DAB1: variants seen among roughly 807,000 people sequenced by gnomAD.
DAB1 encodes the protein DAB adaptor protein 1.
In DAB1, 15 loss-of-function variants were observed where a neutral mutation model predicts 64.6. The observed-to-expected ratio is 0.23, with a 90% CI of 0.16 to 0.36. The LOEUF (loss-of-function observed/expected upper bound fraction) is 0.36, where lower values mean the gene tolerates loss of function less well. DAB1 is among the 10% of genes least tolerant of loss of function. The pLI is 1.00. For missense variants in DAB1, 596 were observed against 706.7 expected (o/e 0.84, Z 1.78); for synonymous variants, 235 against 251.9 (o/e 0.93, Z 0.64).
intron 2 of DAB1, among the ~76,000 whole-genome samples, chr1:57,178,535 G>A (rs1000347441): frequency 4.6e-5 from 7 of 152,084 alleles, no homozygotes; most frequent in Admixed American, 6.6e-5. Context: ...TCTGATTAAC[G>A]AAACTATTCA....
intron 2 of DAB1, among the ~76,000 whole-genome samples, chr1:57,149,112 TG>T (rs1659422822): frequency 6.6e-6 from 1 of 152,218 alleles, no homozygotes; most frequent in African/African-American, 2.4e-5. Flanking sequence ...TACAATTTTT[TG>T]GGTTTGGTTT....
intron 1 of DAB1, among the ~76,000 whole-genome samples, chr1:57,360,539 C>T (rs1239223833): frequency 6.6e-6 from 1 of 152,076 alleles, no homozygotes; most frequent in African/African-American, 2.4e-5. Flanking sequence ...AATTAATGTG[C>T]TTTTCTTCCT....
intron 4 of DAB1, among the ~76,000 whole-genome samples, chr1:57,081,567 G>A (rs1652559122): frequency 6.6e-6 from 1 of 150,468 alleles, no homozygotes; most frequent in Admixed American, 6.6e-5. Context: ...GTAATTTCTA[G>A]TTACATAAAT....
At chr1:58,481,282 AT>A (rs1361627273) in intron 3 of DAB1, 2 of 426,132 alleles carry the variant, frequency 4.7e-6, no homozygotes, top group African/African-American at 2.0e-5. Flanking sequence ...ATGTATTGTT[AT>A]TTTTTTAATA....
chr1:58,524,387 G>A (rs1019558988), intron 2 of DAB1, among the ~76,000 whole-genome samples: 1 of 152,100 alleles, frequency 6.6e-6, no homozygotes, highest in Non-Finnish European at 1.5e-5. Flanking sequence ...TCCTTCGCTG[G>A]CATTAAATTC....
At chr1:57,554,467 CTAACT>C (rs1202365315) in intron 7 of DAB1, among the ~76,000 whole-genome samples, 1 of 152,180 alleles carries the variant, frequency 6.6e-6, no homozygotes, top group Non-Finnish European at 1.5e-5. Context: ...GCTCAATACA[CTAACT>C]TGTTTGTGTT....
intron 4 of DAB1, among the ~76,000 whole-genome samples, chr1:58,272,305 GT>G (rs1400287836): frequency 1.0e-4 from 2 of 20,096 alleles, no homozygotes; most frequent in African/African-American, 3.9e-4. Flanking sequence ...TCAGGAGCAG[GT>G]TGTTCAGTTT....
At chr1:58,420,523 C>A (rs697585) in intron 3 of DAB1, among the ~76,000 whole-genome samples, 91,801 of 152,070 alleles carry the variant, frequency 0.6, 28,640 homozygotes, top group African/African-American at 0.77. Flanking sequence ...GGTTCACAGA[C>A]AATGCTCACT....
At chr1:58,078,949 T>C (rs558338035) in intron 5 of DAB1, among the ~76,000 whole-genome samples, 85 of 152,296 alleles carry the variant, frequency 5.6e-4, no homozygotes, top group African/African-American at 1.9e-3. Flanking sequence ...AAGCATGACA[T>C]TGTTACTGGC....
chr1:58,347,796 G>T (rs911765963), intron 3 of DAB1, among the ~76,000 whole-genome samples: 1 of 137,960 alleles, frequency 7.2e-6, no homozygotes, highest in Admixed American at 8.2e-5. Flanking sequence ...AGAAGGGAGG[G>T]AAAGAGAAGC....
rs527641838 is a variant in DAB1, at chr1:58,341,667, C to T, written n.309+1685G>A. Among the ~76,000 whole-genome samples, 4 of 152,206 alleles carry T rather than the reference C, an allele frequency of 2.6e-5. 1 individual carries two copies. The highest frequency in any genetic ancestry group is 9.6e-5 in the African/African-American group (4 of 41,528). On this transcript the variant is annotated intron_variant and non_coding_transcript_variant, in intron 4 of 20. Coordinates refer to the DAB1 transcript ENST00000485760. ...TGACTCGAAATCCCAGGCCTTTAAC[C>T]ACTCCTCAACTATGATTTTAGCAGC...
chr1:57,451,025 G>A (rs147063675), intron 7 of DAB1, among the ~76,000 whole-genome samples: 25 of 152,166 alleles, frequency 1.6e-4, no homozygotes, highest in Middle Eastern at 3.4e-3. Flanking sequence ...TTCTTCTTTC[G>A]TATCAGCCAG....
chr1:57,071,724 CG>C, intron 5 of DAB1, 83 bp from the exon 6 acceptor site: 1 of 1,310,014 alleles, frequency 7.6e-7, no homozygotes, highest in Non-Finnish European at 1.1e-6. Flanking sequence ...GGCGACAACC[CG>C]CAGCCCTTCC....
At chr1:57,074,614 T>A (rs545183184) in intron 4 of DAB1, among the ~76,000 whole-genome samples, 1 of 152,168 alleles carries the variant, frequency 6.6e-6, no homozygotes, top group Non-Finnish European at 1.5e-5. Context: ...TACCTTAAAC[T>A]TCCAGGGTCT....
Position 57,145,287 on chromosome 1 carries a change from C to CAT in DAB1, c.207+2_207+3insAT. The CAT allele has an allele frequency of 1.9e-6, 3 of 1,613,932 alleles. No homozygotes were observed. The highest frequency in any genetic ancestry group is 2.5e-6 in the Non-Finnish European group (3 of 1,179,856). ...TATTGAAAAGAAAACGTTTGCATAG[C>CAT]ACCTTGAGTTTCATCATGGAATCTT... On this transcript the variant is annotated splice_region_variant and intron_variant, in intron 3 of 14. Transcript: ENST00000371236.
chr1:57,509,471 A>G (rs1644383818), intron 7 of DAB1, among the ~76,000 whole-genome samples: 1 of 151,960 alleles, frequency 6.6e-6, no homozygotes, highest in African/African-American at 2.4e-5. Context: ...CTGCTTCCTC[A>G]GCAAGCTAAC....
chr1:57,181,950 A>T (rs1338333946), intron 2 of DAB1, among the ~76,000 whole-genome samples: 1 of 152,214 alleles, frequency 6.6e-6, no homozygotes, highest in Non-Finnish European at 1.5e-5. Flanking sequence ...CAGTGGTGCC[A>T]TCTCGGCTTA....
At chr1:58,506,524 G>T (rs1192507543) in intron 2 of DAB1, among the ~76,000 whole-genome samples, 2 of 151,946 alleles carry the variant, frequency 1.3e-5, no homozygotes, top group East Asian at 3.9e-4. Context: ...AAACAACATG[G>T]TATCACAGTA....
chr1:58,147,851 A>G (rs1400180778), intron 5 of DAB1, among the ~76,000 whole-genome samples: 1 of 152,092 alleles, frequency 6.6e-6, no homozygotes. Context: ...AGTAGAGGAA[A>G]CTGAAGATTG....
Sources: gnomAD v4.1 joint callset for allele counts (sites outside exome capture counted in the v4.1 genomes callset) on GRCh38, gnomAD v4.1.1 for gene constraint, MANE v1.5 for transcripts, NCBI Gene and HGNC (gene_info 2026-07-23, HGNC 2026-07-21) for gene names.